The following NTRK1 variants were observed in gnomAD, a reference collection of about 807,000 sequenced individuals.
NTRK1 encodes high affinity nerve growth factor receptor.
A neutral mutation model predicts 86.8 loss-of-function variants in NTRK1; 62 were observed. The observed-to-expected ratio is 0.71, with a 90% CI of 0.58 to 0.88. The LOEUF is 0.88. NTRK1 is among the 40% of genes least tolerant of loss of function. NTRK1 has a pLI of 0.00. For synonymous variants in NTRK1, 469 were observed against 456.6 expected (o/e 1.03, Z -0.35); for missense variants, 967 against 1,078.4 (o/e 0.90, Z 1.45).
At chr1:156,827,305 A>G (rs1004609689) in intron 1 of NTRK1, among the ~76,000 whole-genome samples, 4 of 151,426 alleles carry the variant, frequency 2.6e-5, no homozygotes, top group African/African-American at 9.7e-5. Context: ...TCTGTCACCC[A>G]GGCTGGAGTG....
At chr1:156,857,650 C>T (rs1655457240), upstream of NTRK1, among the ~76,000 whole-genome samples, 1 of 152,182 alleles carries the variant, frequency 6.6e-6, no homozygotes, top group Non-Finnish European at 1.5e-5. Context: ...GGACCTCCTA[C>T]CCAGCCCATT....
chr1:156,826,016 G>A (rs887309931), intron 1 of NTRK1, among the ~76,000 whole-genome samples: 1 of 152,116 alleles, frequency 6.6e-6, no homozygotes. Context: ...TTCAGATTTT[G>A]GGATCTCAAT....
chr1:156,845,541 A>AACCC, intron 2 of NTRK1: 134 of 1,288,068 alleles, frequency 1.0e-4, no homozygotes, highest in Non-Finnish European at 1.3e-4. Context: ...CCACCCACAA[A>AACCC]CCCCACCCCT....
In NTRK1 at chr1:156,876,432, G is replaced by A. The variant is rs2102919232; in HGVS notation, c.1665G>A (p.Gln555=). The part of the protein sequence containing the change: ...ALKEASESAR[Q]DFQREAELLT... ...AGGAGGCGTCCGAGAGTGCTCGGCA[G>A]GACTTCCAGCGTGAGGCTGAGCTGC... The change falls in exon 14 of 17, where the codon CAG becomes CAA. Residue 555 remains glutamine, a synonymous_variant. Coordinates refer to ENST00000524377, the MANE Select transcript of NTRK1 (RefSeq NM_002529.4). The A allele has an allele frequency of 1.2e-6, 2 of 1,613,884 alleles. No homozygotes were observed. Among genetic ancestry groups the A allele is most frequent in the Non-Finnish European group, 1.7e-6 (2 of 1,180,026 alleles).
rs569227032 is a variant in NTRK1 at position 156,868,648 on chromosome 1, G to C, written c.717+1G>C. 6.4e-7 allele frequency: 1 copy of C among 1,550,736 alleles called. No homozygotes were observed. Among genetic ancestry groups the C allele is most frequent in the East Asian group, 2.4e-5 (1 of 40,916 alleles). On this transcript the variant is annotated splice_donor_variant, in intron 6 of 16. Transcript: ENST00000524377. LOFTEE classifies it high-confidence loss of function. ...GCTGGAGCAGTCAGCCACGGTGATG[G>C]TGAGAAGACCTTCGCTGGCAGCCCC... is the stretch of plus-strand genomic sequence containing the variant.
intron 7 of NTRK1, among the ~76,000 whole-genome samples, chr1:156,872,307 T>C (rs1390592518): frequency 6.6e-6 from 1 of 152,206 alleles, no homozygotes; most frequent in African/African-American, 2.4e-5. Context: ...CCTCTCCCTG[T>C]TCGCAATCCC....
chr1:156,868,110 G>T lies in NTRK1; in HGVS notation c.435G>T (p.Leu145=). The change falls in exon 5 of 17, where the codon CTG becomes CTT. Residue 145 remains leucine (L), a synonymous_variant. Transcript: ENST00000524377. ...VQGLSLQELV[L]SGNPLHCSCA... ...TGTCCCCCATGCCCCCCAGGGTCCT[G>T]TCGGGGAACCCTCTGCACTGTTCTT... is the stretch of plus-strand genomic sequence containing the variant. 6 of 1,613,874 alleles carry T rather than the reference G, an allele frequency of 3.7e-6. No homozygotes were observed. Among genetic ancestry groups the T allele is most frequent in the Non-Finnish European group, 4.2e-6 (5 of 1,180,034 alleles).
At chr1:156,851,861 G>A (rs1434190992) in intron 2 of NTRK1, 1 of 1,574,224 alleles carries the variant, frequency 6.4e-7, no homozygotes, top group Non-Finnish European at 8.6e-7. Context: ...CTGCTCCCAG[G>A]GTGCCCCCCA....
At position 156,844,245 on chromosome 1, in the gene NTRK1, TGAG is replaced by T. The variant is rs1654904867; in HGVS notation, c.50+2058_50+2060del. ...AGCGTGAGCCCCACAGGGGTGGCAG[TGAG>T]GAGGACATGCAGCCCCCCAGCATCC... On this transcript the variant is annotated intron_variant, in intron 2 of 16. Transcript: ENST00000392302. The T allele has an allele frequency of 1.9e-6, 3 of 1,613,464 alleles. No homozygotes were observed. The South Asian group carries it at 3.3e-5, about 18-fold the overall frequency.
In NTRK1 at chr1:156,854,869, T is replaced by C. The variant is rs965646835; in HGVS notation, c.51-9485T>C. Among the ~76,000 whole-genome samples the C allele has an allele frequency of 6.6e-6, 1 of 152,256 alleles. No homozygotes were observed. The highest frequency in any genetic ancestry group is 6.5e-5 in the Admixed American group (1 of 15,290). ...CAGATGGATCACGTTTCTCCTCTGC[T>C]TATAACCCCCCGTGACTTCCATCTC... On this transcript the variant is annotated intron_variant, in intron 2 of 16. Coordinates refer to the NTRK1 transcript ENST00000392302. The surrounding 1 kb of genome is among the most constrained non-coding windows in gnomAD (Gnocchi z 4.2).
chr1:156,880,037 G>A lies in NTRK1; in HGVS notation c.2085G>A (p.Pro695=), dbSNP rs377730927. Reference sequence around the variant, plus strand: ...CCATGCTGCCCATTCGCTGGATGCCGCCCGAGAGCATCCTGTACCGTAAGT... The same window carrying A: ...CCATGCTGCCCATTCGCTGGATGCCACCCGAGAGCATCCTGTACCGTAAGT... ...GRTMLPIRWM[P]PESILYRKFT... Residue 695 remains proline, a synonymous_variant, in exon 16 of 17, where the codon CCG becomes CCA. Coordinates refer to ENST00000524377, the MANE Select transcript of NTRK1 (RefSeq NM_002529.4). 3.3e-5 allele frequency: 54 copies of A among 1,613,448 alleles called. No homozygotes were observed. Among genetic ancestry groups the A allele is most frequent in the East Asian group, 8.9e-5 (4 of 44,870 alleles).
At chr1:156,869,204 C>G (rs891213088) in intron 6 of NTRK1, among the ~76,000 whole-genome samples, 1 of 152,076 alleles carries the variant, frequency 6.6e-6, no homozygotes. Flanking sequence ...CTCAGCCTCC[C>G]GAGTAGCTGG....
intron 2 of NTRK1, chr1:156,844,481 G>A (rs768953728): frequency 1.9e-6 from 3 of 1,613,872 alleles, no homozygotes; most frequent in African/African-American, 2.7e-5. Context: ...GGATGTAGAA[G>A]GCAACACTGT....
rs9943125 is a variant in NTRK1, at chr1:156,828,597, G to A, written c.-64+12759G>A. ...GTGGCAGATGATTCTTCACTCACAC[G>A]CCTGTGTTTGCCACAGGCACCCGCG... On this transcript the variant is annotated intron_variant, in intron 1 of 16. Transcript: ENST00000392302. Among the ~76,000 whole-genome samples, 692 of 152,328 alleles carry A rather than the reference G, an allele frequency of 4.5e-3. 4 individuals are homozygous for A. Among genetic ancestry groups the A allele is most frequent in the African/African-American group, 0.016 (658 of 41,568 alleles).
Position 156,865,558 on chromosome 1 carries a change from T to G in NTRK1, c.359+759T>G, listed in dbSNP as rs115662275. Among the ~76,000 whole-genome samples the G allele has an allele frequency of 9.3e-3, 1,413 of 152,318 alleles. 19 individuals carry two copies. The highest frequency in any genetic ancestry group is 0.033 in the African/African-American group (1,361 of 41,576). On this transcript the variant is annotated intron_variant, in intron 3 of 16. Coordinates refer to ENST00000524377, the MANE Select transcript of NTRK1 (RefSeq NM_002529.4). ...AGAGACCACATATTTGCCCTGTTTA[T>G]AGCCCCTCTTCCTTGCTGTGCTTCT...
intron 2 of NTRK1, chr1:156,844,738 T>C (rs1250821070): frequency 1.2e-6 from 2 of 1,614,152 alleles, no homozygotes; most frequent in Middle Eastern, 1.6e-4. Context: ...GATTTCGTAC[T>C]TGAGGATGAG....
intron 1 of NTRK1, among the ~76,000 whole-genome samples, chr1:156,829,760 C>T (rs1213815241): frequency 6.6e-6 from 1 of 152,148 alleles, no homozygotes; most frequent in African/African-American, 2.4e-5. Context: ...CTAAGGGATT[C>T]TCCTACCTCA....
chr1:156,852,227 C>T (rs1442161025), intron 2 of NTRK1: 3 of 1,539,996 alleles, frequency 1.9e-6, no homozygotes, highest in Non-Finnish European at 2.6e-6. Flanking sequence ...GTTGGCCATG[C>T]CCCCTCAGTC....
intron 1 of NTRK1, among the ~76,000 whole-genome samples, chr1:156,836,098 A>T (rs11264569): frequency 1.8e-4 from 28 of 152,024 alleles, no homozygotes; most frequent in African/African-American, 4.6e-4. Context: ...CGTGTCTGTC[A>T]GCCCCCCTCC....
Sources: allele counts gnomAD v4.1 joint callset (sites outside exome capture counted in the v4.1 genomes callset), GRCh38; gene constraint gnomAD v4.1.1; non-coding constraint Gnocchi (gnomAD v3.1); transcripts MANE v1.5; gene names NCBI Gene and HGNC (gene_info 2026-07-23, HGNC 2026-07-21).